The following RAB3B variants were observed in gnomAD, a reference collection of about 807,000 sequenced individuals.
RAB3B encodes RAB3B, member RAS oncogene family, also known as ras-related protein Rab-3B.
A neutral mutation model predicts 20.5 loss-of-function variants in RAB3B; 11 were observed. The observed-to-expected ratio is 0.54, with a 90% CI of 0.34 to 0.89. The LOEUF is 0.89. RAB3B is among the 40% of genes least tolerant of loss of function. RAB3B has a pLI of 0.02. For missense variants in RAB3B, 225 were observed against 280.9 expected, an observed-to-expected ratio of 0.80 and a Z score of 1.42; for synonymous variants, 99 against 106.3, an observed-to-expected ratio of 0.93 and a Z score of 0.42.
At chr1:51,941,172 A>G (rs1315486347) in intron 2 of RAB3B, among the ~76,000 whole-genome samples, 3 of 152,042 alleles carry the variant, frequency 2.0e-5, no homozygotes, top group Non-Finnish European at 2.9e-5. Flanking sequence ...AAAGTAAAGG[A>G]GTGGTATTTT....
rs772116232 is a variant in RAB3B, at chr1:51,976,917, G to A, written c.201C>T (p.His67=). The stretch of plus-strand genomic sequence containing the variant: ...AGATCTGCAGTTTCACCCGCTTCTC[G>A]TGACGGTAGACTGTCTTCACCTTGA... ...IDFKVKTVYR[H]EKRVKLQIWD... is the part of the protein sequence containing the mutation. Residue 67 remains histidine (H), a synonymous_variant, in exon 2 of 5, where the codon CAC becomes CAT. Transcript: ENST00000371655. 1.1e-5 allele frequency: 17 copies of A among 1,614,040 alleles called. 1 individual carries two copies. The highest frequency in any genetic ancestry group is 2.2e-5 in the South Asian group (2 of 91,086).
In RAB3B at chr1:51,917,380, C is replaced by T. The variant is rs1416064381; in HGVS notation, c.*2547G>A. ...TAAAGATCATCCAAATAAGCTCCCTCATTTTATAAGTAGGAAATCAAGACT... is the reference window on the plus strand; with the variant it reads ...TAAAGATCATCCAAATAAGCTCCCTTATTTTATAAGTAGGAAATCAAGACT... On this transcript the variant is annotated 3_prime_UTR_variant, in exon 5 of 5. Transcript: ENST00000371655. The T allele has an allele frequency of 6.6e-6, 1 of 152,086 alleles. No individual in the cohort carries two copies. The highest frequency in any genetic ancestry group is 1.5e-5 in the Non-Finnish European group (1 of 68,010). 9.4% of individuals were successfully genotyped at this position (152,086 alleles called of 1,614,324 possible).
chr1:51,933,200 A>G, intron 4 of RAB3B, 118 bp downstream of exon 4: 2 of 1,118,048 alleles, frequency 1.8e-6, no homozygotes, highest in Non-Finnish European at 2.6e-6. Flanking sequence ...ACATAGGTAC[A>G]TAATTCACAA....
At chr1:51,990,319 T>C (rs1685206975) in intron 1 of RAB3B, among the ~76,000 whole-genome samples, 1 of 110,638 alleles carries the variant, frequency 9.0e-6, no homozygotes, top group Admixed American at 9.8e-5. Context: ...CTTGCTCCCC[T>C]CCCGCCCTTG....
chr1:51,927,550 C>G (rs754544506), intron 4 of RAB3B, among the ~76,000 whole-genome samples: 1 of 152,046 alleles, frequency 6.6e-6, no homozygotes, highest in Non-Finnish European at 1.5e-5. Flanking sequence ...TCAAAGCTGG[C>G]AGATCACTTG....
In RAB3B at chr1:51,933,328, T is replaced by G. The variant is rs752626831; in HGVS notation, c.462A>C (p.Ala154=). ...GTGTCATGTACATACCAAGCTGCTC[T>G]GCAAGGAGCTGGCCCTTCTCAGTGG... is the stretch of plus-strand genomic sequence containing the variant. ...VVPTEKGQLL[A]EQLGFDFFEA... is the part of the protein sequence containing the mutation. Residue 154 remains alanine (A), a synonymous_variant, in exon 4 of 5, where the codon GCA becomes GCC. Coordinates refer to ENST00000371655, the MANE Select transcript of RAB3B (RefSeq NM_002867.4). 6.8e-6 allele frequency: 11 copies of G among 1,613,902 alleles called. No homozygotes were observed. The South Asian group carries it at 1.2e-4, about 18-fold the overall frequency.
intron 1 of RAB3B, among the ~76,000 whole-genome samples, chr1:51,978,877 T>G (rs1480561039): frequency 6.6e-6 from 1 of 152,182 alleles, no homozygotes; most frequent in East Asian, 1.9e-4. Context: ...AAGGAGCTGA[T>G]TAATGTAGGT....
chr1:51,979,958 G>A (rs901307530), intron 1 of RAB3B, among the ~76,000 whole-genome samples: 23 of 152,030 alleles, frequency 1.5e-4, no homozygotes, highest in African/African-American at 4.6e-4. Flanking sequence ...GGAAAATGGC[G>A]TGAACCAGGG....
intron 2 of RAB3B, among the ~76,000 whole-genome samples, chr1:51,961,568 A>C (rs1684784460): frequency 6.6e-6 from 1 of 152,128 alleles, no homozygotes; most frequent in African/African-American, 2.4e-5. Context: ...TCTGAGTCTC[A>C]GTTTCCTCAT....
intron 2 of RAB3B, among the ~76,000 whole-genome samples, chr1:51,957,913 T>A (rs1431953814): frequency 6.6e-6 from 1 of 152,180 alleles, no homozygotes; most frequent in African/African-American, 2.4e-5. Context: ...AACACACCGG[T>A]GGGGGAGGCC....
chr1:51,944,131 C>T (rs555777544), intron 2 of RAB3B, among the ~76,000 whole-genome samples: 271 of 152,306 alleles, frequency 1.8e-3, no homozygotes, highest in Middle Eastern at 0.01. Context: ...GAAGTCAATG[C>T]TAACTGACCA....
At chr1:51,980,825 C>T in intron 1 of RAB3B, 1 of 739,594 alleles carries the variant, frequency 1.4e-6, no homozygotes. Context: ...ATGTAAGGAG[C>T]TGAGTCCTTA....
chr1:51,945,224 T>C (rs1376513571), intron 2 of RAB3B, among the ~76,000 whole-genome samples: 1 of 152,148 alleles, frequency 6.6e-6, no homozygotes, highest in African/African-American at 2.4e-5. Flanking sequence ...CAGGCTGGAG[T>C]GCAGTGGCGA....
At chr1:51,963,417 GC>G (rs1684808733) in intron 2 of RAB3B, among the ~76,000 whole-genome samples, 1 of 152,036 alleles carries the variant, frequency 6.6e-6, no homozygotes, top group South Asian at 2.1e-4. Flanking sequence ...GTTATACTCA[GC>G]AAAACCACAC....
At chr1:51,986,021 T>C (rs1224723505) in intron 1 of RAB3B, among the ~76,000 whole-genome samples, 1 of 152,064 alleles carries the variant, frequency 6.6e-6, no homozygotes, top group African/African-American at 2.4e-5. Flanking sequence ...TAAAGAAGCA[T>C]CCTGGCTGGG....
At chr1:51,920,734 G>T (rs1362554490) in intron 4 of RAB3B, among the ~76,000 whole-genome samples, 4 of 152,100 alleles carry the variant, frequency 2.6e-5, no homozygotes, top group Admixed American at 6.6e-5. Flanking sequence ...TTTTCGCAGG[G>T]ATTTTCCTCC....
chr1:51,917,723 A>AT lies in RAB3B; in HGVS notation c.*2203dup, dbSNP rs903827477. On this transcript the variant is annotated 3_prime_UTR_variant, in exon 5 of 5. Transcript: ENST00000371655. Reference sequence around the variant, plus strand: ...AGGCATGCACCATCACATCTGGCTAATTTTTTTTTTTGTAGGGATAGAATT... The same window carrying AT: ...AGGCATGCACCATCACATCTGGCTAATTTTTTTTTTTTGTAGGGATAGAATT... The AT allele has an allele frequency of 4.4e-3, 646 of 147,496 alleles. 2 individuals carry two copies. Among genetic ancestry groups the AT allele is most frequent in the Non-Finnish European group, 5.4e-3 (361 of 66,496 alleles). 9.1% of individuals were successfully genotyped at this position (147,496 alleles called of 1,614,324 possible).
intron 2 of RAB3B, among the ~76,000 whole-genome samples, chr1:51,976,461 A>G (rs1414720736): frequency 2.0e-5 from 3 of 152,176 alleles, no homozygotes; most frequent in African/African-American, 4.8e-5. Context: ...TGCATTTACT[A>G]TGTTCCAGGA....
intron 2 of RAB3B, among the ~76,000 whole-genome samples, chr1:51,947,696 T>C (rs1684583959): frequency 6.6e-6 from 1 of 152,178 alleles, no homozygotes; most frequent in East Asian, 1.9e-4. Flanking sequence ...CACATTCATT[T>C]CTGCTCTATA....
Sources: allele counts gnomAD v4.1 joint callset (sites outside exome capture counted in the v4.1 genomes callset), GRCh38; gene constraint gnomAD v4.1.1; transcripts MANE v1.5; gene names NCBI Gene and HGNC (gene_info 2026-07-23, HGNC 2026-07-21).